FAM135B: variants seen among roughly 807,000 people sequenced by gnomAD.
FAM135B encodes protein FAM135B.
FAM135B carries 43 observed loss-of-function variants against 127.7 expected under a neutral mutation model. The observed-to-expected ratio is 0.34, with a 90% CI of 0.26 to 0.43. The LOEUF is 0.43. Ranked by LOEUF, FAM135B falls within the 20% of genes least tolerant of loss-of-function variation. The pLI, the probability that FAM135B is intolerant of heterozygous loss-of-function variation, is 1.00. For missense variants in FAM135B, 1,558 were observed against 1,725.6 expected (o/e 0.90, Z 1.72); for synonymous variants, 670 against 665.1 (o/e 1.01, Z -0.11).
chr8:138,235,200 T>C (rs554741603), intron 7 of FAM135B, among the ~76,000 whole-genome samples: 30 of 152,124 alleles, frequency 2.0e-4, no homozygotes, highest in African/African-American at 6.0e-4. Context: ...ACCTCACTTA[T>C]TGACTCAGCA....
At chr8:138,368,167 A>G (rs1423349034) in intron 1 of FAM135B, among the ~76,000 whole-genome samples, 165 bp from the exon 2 acceptor site, 6 of 152,172 alleles carry the variant, frequency 3.9e-5, no homozygotes, top group Non-Finnish European at 8.8e-5. Context: ...AGACACAGAG[A>G]GACAAAATGA....
intron 5 of FAM135B, among the ~76,000 whole-genome samples, chr8:138,255,640 A>G (rs1822024334): frequency 6.6e-6 from 1 of 152,172 alleles, no homozygotes; most frequent in Admixed American, 6.5e-5. Flanking sequence ...GCTTTGGAAA[A>G]GTATCCACCC....
intron 3 of FAM135B, among the ~76,000 whole-genome samples, chr8:138,273,715 C>A (rs1158897014): frequency 1.3e-5 from 2 of 152,268 alleles, no homozygotes; most frequent in African/African-American, 4.8e-5. Flanking sequence ...TGCCTCATGC[C>A]CACCTCGCCT....
chr8:138,167,487 C>T (rs1422856644), intron 12 of FAM135B, among the ~76,000 whole-genome samples: 1 of 152,164 alleles, frequency 6.6e-6, no homozygotes, highest in African/African-American at 2.4e-5. Context: ...CGAGCCACGG[C>T]GTCCAGCCTT....
chr8:138,331,513 G>T (rs75203739), intron 2 of FAM135B, among the ~76,000 whole-genome samples: 1 of 152,056 alleles, frequency 6.6e-6, no homozygotes. Flanking sequence ...TCTCCAAGCC[G>T]TACAGTAAAA....
chr8:138,280,807 T>C (rs1385146813), intron 3 of FAM135B, among the ~76,000 whole-genome samples: 5 of 152,146 alleles, frequency 3.3e-5, no homozygotes, highest in Non-Finnish European at 7.3e-5. Context: ...TTCCAAGCAG[T>C]GTCTCCCCAA....
intron 1 of FAM135B, among the ~76,000 whole-genome samples, chr8:138,476,208 G>C (rs1814425578): frequency 6.6e-6 from 1 of 152,144 alleles, no homozygotes; most frequent in South Asian, 2.1e-4. Flanking sequence ...AAGGGTCTGG[G>C]GGGATTGAAA....
At chr8:138,263,481 C>T (rs1191413841) in intron 4 of FAM135B, among the ~76,000 whole-genome samples, 1 of 152,144 alleles carries the variant, frequency 6.6e-6, no homozygotes, top group Non-Finnish European at 1.5e-5. Flanking sequence ...GGTGGGACAG[C>T]AGAGAGGGGA....
chr8:138,210,428 G>C (rs1382264798), intron 7 of FAM135B, among the ~76,000 whole-genome samples: 1 of 152,074 alleles, frequency 6.6e-6, no homozygotes, highest in Non-Finnish European at 1.5e-5. Context: ...CTGAGACTGG[G>C]TAATTTATGA....
At chr8:138,201,921 T>A (rs537665760) in intron 7 of FAM135B, among the ~76,000 whole-genome samples, 1 of 151,394 alleles carries the variant, frequency 6.6e-6, no homozygotes, top group Admixed American at 6.6e-5. Context: ...AGGTCGGGAG[T>A]TCGAGACCAG....
At chr8:138,369,031 T>C (rs1231131026) in intron 1 of FAM135B, among the ~76,000 whole-genome samples, 5 of 152,196 alleles carry the variant, frequency 3.3e-5, no homozygotes, top group African/African-American at 1.2e-4. Context: ...TGGAGCCACT[T>C]TCTAACTCTG....
At chr8:138,221,537 G>T (rs1372441210) in intron 7 of FAM135B, among the ~76,000 whole-genome samples, 1 of 152,136 alleles carries the variant, frequency 6.6e-6, no homozygotes, top group Non-Finnish European at 1.5e-5. Flanking sequence ...CAAATTGCAG[G>T]GAGTTTAGGT....
At chr8:138,348,408 T>C (rs1341643684) in intron 2 of FAM135B, among the ~76,000 whole-genome samples, 1 of 152,156 alleles carries the variant, frequency 6.6e-6, no homozygotes, top group African/African-American at 2.4e-5. Flanking sequence ...GTGCGGAGAT[T>C]ACAGGCGTGA....
intron 7 of FAM135B, among the ~76,000 whole-genome samples, chr8:138,214,849 G>A (rs1393782134): frequency 6.6e-6 from 1 of 152,182 alleles, no homozygotes; most frequent in African/African-American, 2.4e-5. Flanking sequence ...TTAGCCTTAG[G>A]TGAAGATGGA....
At chr8:138,315,259 A>G (rs1336780773) in intron 2 of FAM135B, among the ~76,000 whole-genome samples, 1 of 151,926 alleles carries the variant, frequency 6.6e-6, no homozygotes, top group African/African-American at 2.4e-5. Context: ...AATCAAAACC[A>G]CAACAACATG....
In FAM135B at chr8:138,155,452, A is replaced by C. The variant is rs184468371; in HGVS notation, c.1259-2236T>G. Among the ~76,000 whole-genome samples the C allele has an allele frequency of 4.1e-4, 63 of 152,202 alleles. No homozygotes were observed. The East Asian group carries it at 0.011, about 27-fold the overall frequency. On this transcript the variant is annotated intron_variant, in intron 12 of 19. Coordinates refer to ENST00000395297, the MANE Select transcript of FAM135B (RefSeq NM_015912.4). ...TCAAATTCACACATAAGAATATTAA[A>C]CTTAAATGTAAATGGGCTAAATGCT...
chr8:138,137,328 T>C (rs752961240), intron 18 of FAM135B, 68 bp from the exon 19 acceptor site: 198 of 869,076 alleles, frequency 2.3e-4, no homozygotes, highest in Non-Finnish European at 3.6e-4. Flanking sequence ...TCTGGAAATT[T>C]GCACAAATTT....
chr8:138,314,725 T>TAAATAAATAAATAAATAAATAAATAAATA (rs766795967), intron 2 of FAM135B, among the ~76,000 whole-genome samples: 203 of 48,750 alleles, frequency 4.2e-3, no homozygotes, highest in East Asian at 0.018. Flanking sequence ...ATAAATAAAT[T>TAAATAAATAAATAAATAAATAAATAAATA]AGCTGGGTGT....
chr8:138,356,700 T>C (rs904314637), intron 2 of FAM135B, among the ~76,000 whole-genome samples: 77 of 152,150 alleles, frequency 5.1e-4, no homozygotes, highest in Admixed American at 4.7e-3. Flanking sequence ...CCTCCAATGG[T>C]GTCTTCCGTT....
Sources: allele counts gnomAD v4.1 joint callset (sites outside exome capture counted in the v4.1 genomes callset), GRCh38; gene constraint gnomAD v4.1.1; transcripts MANE v1.5; gene names NCBI Gene and HGNC (gene_info 2026-07-23, HGNC 2026-07-21).